The following DNAJC10 variants were observed in gnomAD, a reference collection of about 807,000 sequenced individuals.
DNAJC10 encodes endoplasmic reticulum disulfide reductase DNAJC10.
A neutral mutation model predicts 115.0 loss-of-function variants in DNAJC10; 101 were observed. The observed-to-expected ratio is 0.88, with a 90% confidence interval of 0.75 to 1.04. The LOEUF (loss-of-function observed/expected upper bound fraction) is 1.04, where lower values mean the gene tolerates loss of function less well. Ranked by LOEUF, DNAJC10 falls within the 50% of genes least tolerant of loss-of-function variation. The pLI is 0.00. For missense variants in DNAJC10, 981 were observed against 928.8 expected (o/e 1.06, Z -0.73); for synonymous variants, 307 against 301.5 (o/e 1.02, Z -0.19).
rs1694829508 is a variant in DNAJC10, at chr2:182,780,906, T to C, written c.*3774T>C. On this transcript the variant is annotated 3_prime_UTR_variant, in exon 24 of 24. Transcript: ENST00000264065. ...CCTAGTGGCCTTTGGTCCTGAAAGT[T>C]AGCAATCATCCCCAAAAAGGTCTGT... is the stretch of plus-strand genomic sequence containing the variant. 6.6e-6 allele frequency: 1 copy of C among 152,150 alleles called. No homozygotes were observed. Among genetic ancestry groups the C allele is most frequent in the African/African-American group, 2.4e-5 (1 of 41,432 alleles). 9.4% of individuals were successfully genotyped at this position (152,150 alleles called of 1,614,324 possible).
chr2:182,733,396 G>T (rs1693500762), intron 10 of DNAJC10, among the ~76,000 whole-genome samples: 1 of 151,538 alleles, frequency 6.6e-6, no homozygotes, highest in Admixed American at 6.6e-5. Context: ...TAGTTTTTCA[G>T]CACTACACAT....
At chr2:182,751,181 C>T (rs992611755) in intron 14 of DNAJC10, among the ~76,000 whole-genome samples, 13 of 121,506 alleles carry the variant, frequency 1.1e-4, no homozygotes, top group African/African-American at 4.2e-4. Flanking sequence ...TCTCACCAGG[C>T]TGGAGTGCAG....
At chr2:182,767,650 A>G (rs1017040403) in intron 22 of DNAJC10, among the ~76,000 whole-genome samples, 4 of 152,002 alleles carry the variant, frequency 2.6e-5, no homozygotes, top group African/African-American at 9.7e-5. Flanking sequence ...TCAGACAATT[A>G]CAGCTGAGCA....
At chr2:182,743,838 TGAGGACA>T in intron 14 of DNAJC10, 126 bp downstream of exon 14, 1 of 643,528 alleles carries the variant, frequency 1.6e-6, no homozygotes, top group Non-Finnish European at 2.7e-6. Flanking sequence ...TCAGTAAATA[TGAGGACA>T]GATATTTTGA....
chr2:182,784,384 C>T lies in DNAJC10; in HGVS notation c.*7252C>T, dbSNP rs1694909300. 1 of 151,966 alleles carries T rather than the reference C, an allele frequency of 6.6e-6. No homozygotes were observed. Among genetic ancestry groups the T allele is most frequent in the African/African-American group, 2.4e-5 (1 of 41,378 alleles). 9.4% of individuals were successfully genotyped at this position (151,966 alleles called of 1,614,324 possible). A position where few individuals can be genotyped will look rare whatever the true frequency, so the allele number is the denominator to read the frequency against. On this transcript the variant is annotated 3_prime_UTR_variant, in exon 24 of 24. Coordinates refer to ENST00000264065, the MANE Select transcript of DNAJC10 (RefSeq NM_018981.4). The stretch of plus-strand genomic sequence containing the variant: ...GGTATTTTATATAAACTTAAGAAAC[C>T]TCCCCACACAAACACACACAGCCAT...
chr2:182,767,584 G>A (rs970107173), intron 22 of DNAJC10, among the ~76,000 whole-genome samples: 3 of 151,912 alleles, frequency 2.0e-5, no homozygotes, highest in Non-Finnish European at 2.9e-5. Context: ...AGGTGATCAC[G>A]TCGAGGGCAC....
intron 22 of DNAJC10, among the ~76,000 whole-genome samples, chr2:182,763,804 C>T (rs1180208052): frequency 1.3e-5 from 2 of 152,126 alleles, no homozygotes; most frequent in Non-Finnish European, 2.9e-5. Flanking sequence ...AGGTAAACTT[C>T]TATTGTTCTT....
intron 5 of DNAJC10, 64 bp from the exon 6 acceptor site, chr2:182,728,512 A>C: frequency 8.2e-7 from 1 of 1,214,600 alleles, no homozygotes; most frequent in South Asian, 1.4e-5. Flanking sequence ...AAAAGTTTTT[A>C]ACTAAAATAT....
At chr2:182,747,503 G>GGA (rs1693899392) in intron 14 of DNAJC10, among the ~76,000 whole-genome samples, 3 of 149,310 alleles carry the variant, frequency 2.0e-5, no homozygotes, top group Admixed American at 6.7e-5. Context: ...ATTGTGAATG[G>GGA]GAGTTCACTC....
intron 11 of DNAJC10, chr2:182,739,588 A>G: frequency 1.7e-6 from 2 of 1,204,058 alleles, no homozygotes; most frequent in South Asian, 1.6e-5. Context: ...AGAGAGTTAT[A>G]TGACAAAATA....
In DNAJC10 at chr2:182,778,872, T is replaced by G. The variant is rs1694776530; in HGVS notation, c.*1740T>G. On this transcript the variant is annotated 3_prime_UTR_variant, in exon 24 of 24. Transcript: ENST00000264065. ...CAAAATGGAATGCCTAAAGAAGTCT[T>G]ACTTGGGTAAATACTTACTAAAATA... 1 of 152,230 alleles carries G rather than the reference T, an allele frequency of 6.6e-6. No homozygotes were observed. The highest frequency in any genetic ancestry group is 2.1e-4 in the South Asian group (1 of 4,834). 9.4% of individuals were successfully genotyped at this position (152,230 alleles called of 1,614,324 possible).
Position 182,729,892 on chromosome 2 carries a change from G to A in DNAJC10, c.678G>A (p.Val226=). ...YHGDRSKESL[V]SFAMQHVRST... is the part of the protein sequence containing the mutation. ...GAGACAGATCAAAGGAGAGTTTAGT[G>A]AGTTTTGCAATGCAGCATGTTAGAA... Residue 226 remains valine (V), a synonymous_variant, in exon 8 of 24, where the codon GTG becomes GTA. Coordinates refer to ENST00000264065, the MANE Select transcript of DNAJC10 (RefSeq NM_018981.4). 6.2e-7 allele frequency: 1 copy of A among 1,611,072 alleles called. No individual in the cohort carries two copies. The highest frequency in any genetic ancestry group is 8.5e-7 in the Non-Finnish European group (1 of 1,178,664).
chr2:182,739,676 G>C (rs897957539), intron 11 of DNAJC10: 1 of 1,044,674 alleles, frequency 9.6e-7, no homozygotes, highest in African/African-American at 1.7e-5. Context: ...TTAAATAAGA[G>C]ACTCGGGCCG....
At chr2:182,758,563 T>G (rs575158043) in intron 19 of DNAJC10, among the ~76,000 whole-genome samples, 1 of 152,246 alleles carries the variant, frequency 6.6e-6, no homozygotes, top group East Asian at 1.9e-4. Flanking sequence ...CCTTGGACAT[T>G]CTGAGTTTCG....
At chr2:182,762,608 T>A in intron 21 of DNAJC10, 74 bp from the exon 22 acceptor site, 2 of 1,446,882 alleles carry the variant, frequency 1.4e-6, no homozygotes, top group Non-Finnish European at 1.9e-6. Context: ...AAATGTTTTA[T>A]ATCCTATTGC....
intron 8 of DNAJC10, chr2:182,730,550 A>C (rs538670964): frequency 2.2e-6 from 1 of 453,954 alleles, no homozygotes; most frequent in Admixed American, 2.4e-5. Flanking sequence ...AGGGAGCATA[A>C]GATGTGTAAA....
chr2:182,717,331 A>G (rs1439433434), intron 2 of DNAJC10, among the ~76,000 whole-genome samples: 5 of 152,156 alleles, frequency 3.3e-5, no homozygotes, highest in Non-Finnish European at 7.3e-5. Context: ...GTAACTTACA[A>G]TTGTTTTTCT....
At chr2:182,730,530 A>G (rs1045368715) in intron 8 of DNAJC10, 1 of 451,966 alleles carries the variant, frequency 2.2e-6, no homozygotes, top group Non-Finnish European at 4.4e-6. Context: ...TACTATTATT[A>G]TAGAGCTTAA....
At position 182,743,466 on chromosome 2, in the gene DNAJC10, T is replaced by C. The variant is rs566958390; in HGVS notation, c.1192-132T>C. The C allele has an allele frequency of 1.2e-3, 753 of 627,516 alleles. 1 individual carries two copies. Among genetic ancestry groups the C allele is most frequent in the Non-Finnish European group, 1.9e-3 (682 of 355,766 alleles). 38.9% of individuals were successfully genotyped at this position (627,516 alleles called of 1,614,324 possible). On this transcript the variant is annotated intron_variant, in intron 13 of 23. Coordinates refer to ENST00000264065, the MANE Select transcript of DNAJC10 (RefSeq NM_018981.4). The stretch of plus-strand genomic sequence containing the variant: ...GTAAATGAATTATTTCTGTCTCTTA[T>C]TTTCGTAGCCTATTAGCTTCTGTTT...
Sources: allele counts gnomAD v4.1 joint callset (sites outside exome capture counted in the v4.1 genomes callset), GRCh38; gene constraint gnomAD v4.1.1; transcripts MANE v1.5; gene names NCBI Gene and HGNC (gene_info 2026-07-23, HGNC 2026-07-21).